Variants in UBR4 observed in about 807,000 individuals in gnomAD.
The protein encoded by UBR4 is E3 ubiquitin-protein ligase UBR4.
Under a neutral mutation model 575.6 loss-of-function variants are expected in UBR4, and 124 were observed. The ratio of observed to expected loss-of-function variants is 0.22; its 90% CI spans 0.19 to 0.25. The LOEUF (loss-of-function observed/expected upper bound fraction) is 0.25. Ranked by LOEUF, UBR4 falls within the 10% of genes least tolerant of loss-of-function variation. The pLI, the probability that UBR4 is intolerant of heterozygous loss-of-function variation, is 1.00. For missense variants in UBR4, 4,818 were observed against 6,478.8 expected, an observed-to-expected ratio of 0.74 and a Z score of 8.80; for synonymous variants, 2,455 against 2,473.7, an observed-to-expected ratio of 0.99 and a Z score of 0.22.
In UBR4 at chr1:19,084,539, C is replaced by G; in HGVS notation, c.14973G>C (p.Pro4991=). The change falls in exon 102 of 106, where the codon CCG becomes CCC. Residue 4991 remains proline (P), a synonymous_variant. Coordinates refer to ENST00000375254, the MANE Select transcript of UBR4 (RefSeq NM_020765.3). ...GGRESNIHLI[P]YIIHTVLYVL... ...CGTAAAGCACAGTGTGAATGATGTA[C>G]GGGATCAGGTGGATGTTGCTCTCCC... 1 of 1,613,780 alleles carries G rather than the reference C, an allele frequency of 6.2e-7. No individual in the cohort carries two copies. The highest frequency in any genetic ancestry group is 8.5e-7 in the Non-Finnish European group (1 of 1,179,884).
At chr1:19,120,929 T>C (rs561761363) in intron 68 of UBR4, among the ~76,000 whole-genome samples, 8 of 152,370 alleles carry the variant, frequency 5.3e-5, no homozygotes, top group African/African-American at 1.9e-4. Context: ...TTTCACAGAA[T>C]AAGAAATTTG....
At chr1:19,113,473 C>T in intron 77 of UBR4, 1 of 609,430 alleles carries the variant, frequency 1.6e-6, no homozygotes, top group Non-Finnish European at 2.8e-6. Flanking sequence ...TTCCCATCAC[C>T]AGTATGTTCA....
At chr1:19,146,756 A>G in intron 52 of UBR4, 70 bp downstream of exon 52, 1 of 1,534,600 alleles carries the variant, frequency 6.5e-7, no homozygotes, top group South Asian at 1.3e-5. Context: ...CAGTAAGAAC[A>G]GTAAGAATGA....
intron 105 of UBR4, among the ~76,000 whole-genome samples, chr1:19,076,448 G>A (rs1017963425): frequency 6.6e-6 from 1 of 152,338 alleles, no homozygotes. Context: ...TCTATAAAAT[G>A]GGGATAACCA....
At chr1:19,204,292 C>T (rs1009268004) in intron 1 of UBR4, among the ~76,000 whole-genome samples, 3 of 152,176 alleles carry the variant, frequency 2.0e-5, no homozygotes, top group Admixed American at 6.5e-5. Context: ...TGAGCCTCCA[C>T]GCCTGGCCCC....
Position 19,157,862 on chromosome 1 carries a change from G to A in UBR4, c.5713C>T (p.Pro1905Ser), listed in dbSNP as rs145703855. 6.2e-7 allele frequency: 1 copy of A among 1,614,234 alleles called. No individual in the cohort carries two copies. The highest frequency in any genetic ancestry group is 8.5e-7 in the Non-Finnish European group (1 of 1,180,020). The change falls in exon 40 of 106, where the codon CCC (proline) becomes TCC (serine). Residue 1905 changes from proline (P) to serine (S), a missense_variant. By Grantham distance (74) the Pro-to-Ser change is moderately conservative. Coordinates refer to ENST00000375254, the MANE Select transcript of UBR4 (RefSeq NM_020765.3). This position sits in a 1 kb window ranked among gnomAD's most constrained non-coding sequence, Gnocchi z 4.4. ...GCCAAATGTTGGCGGCGCCCATGGG[G>A]AGAGGAGAGCACACACATAGCCACC... ...RRVAMCVLSS[P>S]HGRRQHLAVS...
At chr1:19,195,018 T>C (rs1228145074) in intron 8 of UBR4, among the ~76,000 whole-genome samples, 3 of 151,454 alleles carry the variant, frequency 2.0e-5, no homozygotes, top group Admixed American at 6.6e-5. Context: ...CCCAGCACTT[T>C]AGGAGGCCAA....
At chr1:19,176,433 T>A (rs747888980) in intron 20 of UBR4, among the ~76,000 whole-genome samples, 159 bp downstream of exon 20, 16 of 152,036 alleles carry the variant, frequency 1.1e-4, no homozygotes, top group Non-Finnish European at 2.1e-4. Flanking sequence ...TATGTGGGAG[T>A]CCATTTCTGA....
intron 1 of UBR4, among the ~76,000 whole-genome samples, chr1:19,203,325 A>AC (rs2092842072): frequency 6.6e-6 from 1 of 151,306 alleles, no homozygotes; most frequent in African/African-American, 2.4e-5. Flanking sequence ...ATATGGTGAA[A>AC]CCCCGTCTCT....
intron 37 of UBR4, 33 bp downstream of exon 37, chr1:19,161,556 C>G: frequency 6.4e-7 from 1 of 1,553,772 alleles, no homozygotes; most frequent in Non-Finnish European, 8.7e-7. Flanking sequence ...CACTAACAAG[C>G]CACCCTTTAT....
chr1:19,161,494 G>T, intron 37 of UBR4, 95 bp downstream of exon 37: 1 of 1,476,812 alleles, frequency 6.8e-7, no homozygotes, highest in Non-Finnish European at 9.1e-7. Context: ...CCTAGACTCA[G>T]GTATCCTGGA....
At chr1:19,140,703 G>T in intron 58 of UBR4, 85 bp downstream of exon 58, 1 of 1,345,162 alleles carries the variant, frequency 7.4e-7, no homozygotes, top group African/African-American at 1.4e-5. Context: ...TGTCAAAGCA[G>T]CTGCCCATTA....
intron 1 of UBR4, among the ~76,000 whole-genome samples, chr1:19,206,154 G>T (rs1011640049): frequency 6.6e-6 from 1 of 152,190 alleles, no homozygotes; most frequent in African/African-American, 2.4e-5. Flanking sequence ...TATGTAATAA[G>T]TAACAGTGTT....
chr1:19,113,409 C>T (rs1474689270), intron 77 of UBR4: 2 of 425,104 alleles, frequency 4.7e-6, no homozygotes, highest in Non-Finnish European at 8.4e-6. Context: ...CCAGTAACCC[C>T]TCTACTAAGA....
chr1:19,191,981 T>A (rs74947620), intron 11 of UBR4, among the ~76,000 whole-genome samples: 4 of 152,132 alleles, frequency 2.6e-5, no homozygotes, highest in Admixed American at 2.0e-4. Context: ...GATGAGGAAA[T>A]AGAATCAAAG....
rs1339819646 is a variant in UBR4, at chr1:19,124,776, T to C, written c.9439-86A>G. 3 of 1,532,362 alleles carry C rather than the reference T, an allele frequency of 2.0e-6. No homozygotes were observed. In the African/African-American group the frequency reaches 4.2e-5, roughly 21 times the overall value. 94.9% of individuals were successfully genotyped at this position (1,532,362 alleles called of 1,614,324 possible). A position where few individuals can be genotyped will look rare whatever the true frequency, so the allele number is the denominator to read the frequency against. On this transcript the variant is annotated intron_variant, in intron 64 of 105. Coordinates refer to ENST00000375254, the MANE Select transcript of UBR4 (RefSeq NM_020765.3). ...GAAAAAGCCTGGCTCATTAGACGTA[T>C]TACATGTTGGAGGTGGTAAAGGGTG...
intron 17 of UBR4, among the ~76,000 whole-genome samples, chr1:19,180,633 G>GT (rs1160359584): frequency 6.6e-6 from 1 of 151,030 alleles, no homozygotes; most frequent in Non-Finnish European, 1.5e-5. Context: ...AAATCTAAAT[G>GT]TTCAAATCAA....
intron 31 of UBR4, 53 bp downstream of exon 31, chr1:19,165,196 A>G (rs2088128576): frequency 2.6e-6 from 4 of 1,543,226 alleles, no homozygotes; most frequent in Middle Eastern, 1.7e-4. Context: ...TATGCACAGT[A>G]TTAGCCGGAC....
chr1:19,179,551 T>C (rs151055438), intron 17 of UBR4, among the ~76,000 whole-genome samples: 1 of 152,350 alleles, frequency 6.6e-6, no homozygotes, highest in East Asian at 1.9e-4. Flanking sequence ...GTTGTTGCCT[T>C]TGAAAGCAAA....
Sources: allele counts gnomAD v4.1 joint callset (sites outside exome capture counted in the v4.1 genomes callset), GRCh38; gene constraint gnomAD v4.1.1; non-coding constraint Gnocchi (gnomAD v3.1); transcripts MANE v1.5; gene names NCBI Gene and HGNC (gene_info 2026-07-23, HGNC 2026-07-21).